Variants in ADCY2 observed in about 807,000 individuals in gnomAD.
ADCY2 encodes the protein adenylate cyclase 2, also known as adenylate cyclase type 2.
A neutral mutation model predicts 125.2 loss-of-function variants in ADCY2; 31 were observed. The ratio of observed to expected loss-of-function variants is 0.25; its 90% confidence interval spans 0.19 to 0.33. The LOEUF is 0.33. Ranked by LOEUF, ADCY2 falls within the 10% of genes least tolerant of loss-of-function variation. The pLI is 1.00. For synonymous variants in ADCY2, 512 were observed against 548.4 expected, an observed-to-expected ratio of 0.93 and a Z score of 0.93; for missense variants, 904 against 1,418.2, an observed-to-expected ratio of 0.64 and a Z score of 5.82.
chr5:7,606,729 C>A (rs1737390732), intron 3 of ADCY2, among the ~76,000 whole-genome samples: 1 of 152,086 alleles, frequency 6.6e-6, no homozygotes, highest in African/African-American at 2.4e-5. Flanking sequence ...TCACTTGATG[C>A]TTGTTATTTT....
At chr5:7,456,794 T>C (rs1185912642) in intron 2 of ADCY2, among the ~76,000 whole-genome samples, 4 of 152,236 alleles carry the variant, frequency 2.6e-5, no homozygotes, top group African/African-American at 9.7e-5. Context: ...ATGAATATAA[T>C]TCCTTTTTTA....
At chr5:7,473,132 C>A (rs1351647281) in intron 2 of ADCY2, among the ~76,000 whole-genome samples, 2 of 152,134 alleles carry the variant, frequency 1.3e-5, no homozygotes, top group African/African-American at 4.8e-5. Context: ...GGATGCTTTC[C>A]TGTCCCTTCC....
intron 4 of ADCY2, among the ~76,000 whole-genome samples, chr5:7,664,258 A>G (rs1739635928): frequency 6.6e-6 from 1 of 152,196 alleles, no homozygotes; most frequent in Admixed American, 6.5e-5. Context: ...TGTGAAAAAC[A>G]TGTGATTTTT....
chr5:7,613,031 C>CA (rs532712357), intron 3 of ADCY2, among the ~76,000 whole-genome samples: 243 of 151,212 alleles, frequency 1.6e-3, no homozygotes, highest in African/African-American at 5.6e-3. Flanking sequence ...GACTCTGACT[C>CA]AAAAAAATAT....
At chr5:7,787,374 C>G (rs1013128088) in intron 19 of ADCY2, among the ~76,000 whole-genome samples, 5 of 152,196 alleles carry the variant, frequency 3.3e-5, no homozygotes, top group African/African-American at 1.2e-4. Flanking sequence ...TTAGGGCCAA[C>G]CCTAGATCCA....
At chr5:7,591,788 G>A (rs978164800) in intron 3 of ADCY2, among the ~76,000 whole-genome samples, 1 of 152,116 alleles carries the variant, frequency 6.6e-6, no homozygotes, top group African/African-American at 2.4e-5. Context: ...TGGATATTAT[G>A]CCTCTGAGTT....
At chr5:7,812,280 A>G (rs1175951510) in intron 22 of ADCY2, among the ~76,000 whole-genome samples, 2 of 152,216 alleles carry the variant, frequency 1.3e-5, no homozygotes, top group African/African-American at 4.8e-5. Flanking sequence ...ATGTGTCAGA[A>G]GAAGAGAGAA....
Position 7,707,833 on chromosome 5 carries a change from C to T in ADCY2, c.1396C>T (p.Pro466Ser). Reference sequence around the variant, plus strand: ...GGTGAAAACCTACTTTGTGATCAACCCCAAGGTCAGTATCATTGTAAAGAG... The same window carrying T: ...GGTGAAAACCTACTTTGTGATCAACTCCAAGGTCAGTATCATTGTAAAGAG... ...HLVKTYFVINPKGERRSPQHL... is the reference protein window; with the variant it reads ...HLVKTYFVINSKGERRSPQHL... The change falls in exon 9 of 25, where the codon CCC becomes TCC. Residue 466 changes from proline to serine, a missense_variant. Pro to Ser is a moderately conservative substitution (Grantham distance 74). Around this residue, in one of 7 missense-constraint regions of ADCY2, gnomAD observed 144 missense variants for 227.7 expected, o/e 0.63. Coordinates refer to ENST00000338316, the MANE Select transcript of ADCY2 (RefSeq NM_020546.3). 9 of 1,613,862 alleles carry T rather than the reference C, an allele frequency of 5.6e-6. No individual in the cohort carries two copies. The highest frequency in any genetic ancestry group is 7.6e-6 in the Non-Finnish European group (9 of 1,179,924).
At chr5:7,518,373 G>A (rs767055348) in intron 2 of ADCY2, among the ~76,000 whole-genome samples, 15 of 152,108 alleles carry the variant, frequency 9.9e-5, no homozygotes, top group Non-Finnish European at 2.1e-4. Context: ...TGCCTGATAT[G>A]TCTTCCCAGC....
At chr5:7,722,777 G>T (rs1471800782) in intron 12 of ADCY2, among the ~76,000 whole-genome samples, 1 of 151,892 alleles carries the variant, frequency 6.6e-6, no homozygotes, top group African/African-American at 2.4e-5. Flanking sequence ...TGACCAACAT[G>T]GAGAAACCCC....
chr5:7,630,245 G>A (rs970627208), intron 4 of ADCY2, among the ~76,000 whole-genome samples: 8 of 152,098 alleles, frequency 5.3e-5, no homozygotes, highest in Non-Finnish European at 1.0e-4. Context: ...TGATCCTTGG[G>A]TGGTCATGGC....
chr5:7,824,981 G>A (rs1398795690), intron 24 of ADCY2, among the ~76,000 whole-genome samples: 4 of 152,152 alleles, frequency 2.6e-5, no homozygotes, highest in African/African-American at 7.2e-5. Context: ...CCTTCCCCGG[G>A]ACACACCACA....
intron 3 of ADCY2, among the ~76,000 whole-genome samples, chr5:7,531,309 A>G (rs778130962): frequency 9.2e-5 from 14 of 152,126 alleles, no homozygotes; most frequent in Non-Finnish European, 1.5e-4. Flanking sequence ...GACCAGCTTC[A>G]TGGTACCTTG....
At chr5:7,740,830 T>C (rs1417894773) in intron 14 of ADCY2, among the ~76,000 whole-genome samples, 1 of 152,112 alleles carries the variant, frequency 6.6e-6, no homozygotes, top group African/African-American at 2.4e-5. Flanking sequence ...AGAATATTTA[T>C]GTCCTTAAAT....
chr5:7,406,774 T>C (rs1739504256), intron 1 of ADCY2, among the ~76,000 whole-genome samples: 1 of 152,238 alleles, frequency 6.6e-6, no homozygotes, highest in Admixed American at 6.5e-5. Context: ...GGTTAGTTTT[T>C]TTTGAGGAAC....
chr5:7,803,687 C>T (rs1343833086), intron 21 of ADCY2, among the ~76,000 whole-genome samples: 1 of 151,962 alleles, frequency 6.6e-6, no homozygotes, highest in African/African-American at 2.4e-5. Flanking sequence ...TCGCTTGAGC[C>T]CAGGAGTTTG....
In ADCY2 at chr5:7,701,338, T is replaced by C. The variant is rs545040778; in HGVS notation, c.1109+2964T>C. On this transcript the variant is annotated intron_variant, in intron 7 of 24. Coordinates refer to ENST00000338316, the MANE Select transcript of ADCY2 (RefSeq NM_020546.3). ...GAATGAACTGTTTCCAGTTCCATAA[T>C]GTTTAAGTTAATCCAATGTCTTGAA... is the stretch of plus-strand genomic sequence containing the variant. Among the ~76,000 whole-genome samples, 267 of 152,328 alleles carry C rather than the reference T, an allele frequency of 1.8e-3. 1 individual carries two copies. The highest frequency in any genetic ancestry group is 6.4e-3 in the African/African-American group (264 of 41,574).
At chr5:7,617,484 G>T (rs538875328) in intron 3 of ADCY2, among the ~76,000 whole-genome samples, 43 of 152,268 alleles carry the variant, frequency 2.8e-4, no homozygotes, top group African/African-American at 1.0e-3. Flanking sequence ...ATTAGTAGTA[G>T]TAGTAGTAGT....
chr5:7,591,249 CT>C (rs1348476679), intron 3 of ADCY2, among the ~76,000 whole-genome samples: 1 of 152,056 alleles, frequency 6.6e-6, no homozygotes, highest in Non-Finnish European at 1.5e-5. Context: ...GTTTTTTTGG[CT>C]TTTTATGCAA....
Sources: gnomAD v4.1 joint callset for allele counts (sites outside exome capture counted in the v4.1 genomes callset) on GRCh38, gnomAD v4.1.1 for gene constraint, gnomAD v4.1.1 regional missense constraint, MANE v1.5 for transcripts, NCBI Gene and HGNC (gene_info 2026-07-23, HGNC 2026-07-21) for gene names.